The following TENM3 variants were observed in gnomAD, a reference collection of about 807,000 sequenced individuals.
TENM3 encodes the protein teneurin transmembrane protein 3.
TENM3 carries 63 observed loss-of-function variants against 255.1 expected under a neutral mutation model. The ratio of observed to expected loss-of-function variants is 0.25; its 90% confidence interval spans 0.20 to 0.30. The LOEUF is 0.30. Ranked by LOEUF, TENM3 falls within the 10% of genes least tolerant of loss-of-function variation. TENM3 has a pLI of 1.00. For missense variants in TENM3, 2,929 were observed against 3,461.1 expected, an observed-to-expected ratio of 0.85 and a Z score of 3.86; for synonymous variants, 1,306 against 1,322.3, an observed-to-expected ratio of 0.99 and a Z score of 0.27.
intron 1 of TENM3, among the ~76,000 whole-genome samples, chr4:182,194,771 C>T (rs1364121126): frequency 6.6e-6 from 1 of 152,102 alleles, no homozygotes; most frequent in Non-Finnish European, 1.5e-5. Context: ...TTTCTCCTCA[C>T]GGTCTTCCGT....
chr4:182,616,565 C>G (rs1451724238), intron 4 of TENM3, among the ~76,000 whole-genome samples: 1 of 129,374 alleles, frequency 7.7e-6, no homozygotes, highest in East Asian at 2.3e-4. Flanking sequence ...ACCATCCTGG[C>G]TAACACAGTG....
At chr4:182,787,439 G>T (rs888932208) in intron 24 of TENM3, among the ~76,000 whole-genome samples, 1 of 152,066 alleles carries the variant, frequency 6.6e-6, no homozygotes, top group African/African-American at 2.4e-5. Flanking sequence ...GAAAAGTTAA[G>T]ATGTAATTTC....
intron 5 of TENM3, among the ~76,000 whole-genome samples, chr4:182,632,381 C>T (rs182781088): frequency 6.6e-6 from 1 of 152,296 alleles, no homozygotes; most frequent in East Asian, 1.9e-4. Flanking sequence ...ACCATGGCAA[C>T]TGTCAGTTTA....
chr4:181,922,381 C>G, the TENM3 span, among the ~76,000 whole-genome samples: 17 of 152,132 alleles, frequency 1.1e-4, no homozygotes, highest in African/African-American at 3.9e-4. Context: ...TTTTTGGTTG[C>G]TAAGCTATTG....
At chr4:182,775,219 C>A in intron 24 of TENM3, 66 bp downstream of exon 24, 1 of 1,437,000 alleles carries the variant, frequency 7.0e-7, no homozygotes, top group Non-Finnish European at 9.7e-7. Flanking sequence ...ATCCTGAGGG[C>A]AGGTTGCGTC....
intron 5 of TENM3, among the ~76,000 whole-genome samples, chr4:182,643,558 C>T (rs1467581824): frequency 6.6e-6 from 1 of 152,052 alleles, no homozygotes; most frequent in African/African-American, 2.4e-5. Flanking sequence ...ATGAGAGAGC[C>T]AAGCCTCAGA....
rs1289374381 is a variant in TENM3, at chr4:182,346,905, G to C, written c.487G>C (p.Glu163Gln). Residue 163 changes from glutamate to glutamine, a missense_variant, in exon 3 of 28, where the codon GAA becomes CAA. By Grantham distance (29) the Glu-to-Gln change is conservative. This residue lies in a region of TENM3 where 283 missense variants were observed against 256.9 expected (regional missense o/e 1.10). Transcript: ENST00000511685. ...SALTLTDTEH[E>Q]NKSDSENEQP... is the part of the protein sequence containing the mutation. Reference sequence around the variant, plus strand: ...CCTCACCCTGACAGATACGGAGCACGAAAACAAGTCCGACAGTGAGAATGG... The same window carrying C: ...CCTCACCCTGACAGATACGGAGCACCAAAACAAGTCCGACAGTGAGAATGG... 1 of 1,609,288 alleles carries C rather than the reference G, an allele frequency of 6.2e-7. No homozygotes were observed. The highest frequency in any genetic ancestry group is 1.3e-5 in the African/African-American group (1 of 74,748).
chr4:182,775,194 T>C (rs1296586732), intron 24 of TENM3, 41 bp downstream of exon 24: 2 of 1,580,260 alleles, frequency 1.3e-6, no homozygotes, highest in African/African-American at 1.3e-5. Context: ...TGCAGCCCTC[T>C]GATCTGTGCA....
the TENM3 span, among the ~76,000 whole-genome samples, chr4:181,905,190 T>C: frequency 6.6e-6 from 1 of 152,236 alleles, no homozygotes; most frequent in Non-Finnish European, 1.5e-5. Context: ...CTTGCCTTAT[T>C]TTTTACAGCA....
At chr4:182,444,301 T>TTGGC (rs1387656567) in intron 3 of TENM3, among the ~76,000 whole-genome samples, 1 of 152,202 alleles carries the variant, frequency 6.6e-6, no homozygotes. Flanking sequence ...AAAATAACAG[T>TTGGC]TGGCAAAACA....
At chr4:182,516,716 C>A (rs1432246695) in intron 3 of TENM3, among the ~76,000 whole-genome samples, 2 of 151,972 alleles carry the variant, frequency 1.3e-5, no homozygotes, top group African/African-American at 4.8e-5. Flanking sequence ...CATGGTGAAA[C>A]CCCATCTCCT....
intron 1 of TENM3, among the ~76,000 whole-genome samples, chr4:182,203,737 G>A (rs1275228971): frequency 4.6e-5 from 7 of 152,150 alleles, no homozygotes; most frequent in Non-Finnish European, 1.0e-4. Flanking sequence ...TTGCTCCATT[G>A]GAGTGTCTTT....
intron 5 of TENM3, among the ~76,000 whole-genome samples, chr4:182,631,964 A>G (rs1751412818): frequency 6.6e-6 from 1 of 152,146 alleles, no homozygotes; most frequent in African/African-American, 2.4e-5. Flanking sequence ...GGAGGTGGAC[A>G]GGCTTTGTTG....
chr4:182,767,630 A>ATATATG (rs1763831059), intron 22 of TENM3, among the ~76,000 whole-genome samples: 1 of 152,172 alleles, frequency 6.6e-6, no homozygotes, highest in African/African-American at 2.4e-5. Flanking sequence ...TATATACACT[A>ATATATG]CGTATACTAT....
chr4:182,264,326 C>G (rs770160647), intron 1 of TENM3, among the ~76,000 whole-genome samples: 2 of 152,180 alleles, frequency 1.3e-5, no homozygotes, highest in South Asian at 4.1e-4. Flanking sequence ...GCTGCAGGTC[C>G]GTGAAACAAA....
the TENM3 span, among the ~76,000 whole-genome samples, chr4:181,892,461 G>A: frequency 6.6e-6 from 1 of 152,008 alleles, no homozygotes; most frequent in Non-Finnish European, 1.5e-5. Flanking sequence ...TATTCCATTT[G>A]TTAAAAATCT....
chr4:181,747,267 G>A, the TENM3 span, among the ~76,000 whole-genome samples: 1 of 151,990 alleles, frequency 6.6e-6, no homozygotes, highest in African/African-American at 2.4e-5. Flanking sequence ...AAATGAATAT[G>A]TTTTCATCTG....
At chr4:181,858,009 A>G in the TENM3 span, among the ~76,000 whole-genome samples, 547 of 152,352 alleles carry the variant, frequency 3.6e-3, 4 homozygotes, top group Non-Finnish European at 5.2e-3. Context: ...GCGATCCTGA[A>G]CATATGCTGC....
chr4:182,105,322 T>G, the TENM3 span, among the ~76,000 whole-genome samples: 32 of 152,252 alleles, frequency 2.1e-4, no homozygotes, highest in African/African-American at 6.3e-4. Flanking sequence ...TCCCAGGAAG[T>G]TCTGAGGCCG....
Sources: allele counts gnomAD v4.1 joint callset (sites outside exome capture counted in the v4.1 genomes callset), GRCh38; gene constraint gnomAD v4.1.1; regional missense constraint gnomAD v4.1.1; transcripts MANE v1.5; gene names NCBI Gene and HGNC (gene_info 2026-07-23, HGNC 2026-07-21).